Variants in ELOC observed in about 807,000 individuals in gnomAD.
The protein encoded by ELOC is elongin C.
For synonymous variants in ELOC, 40 were observed against 51.3 expected (o/e 0.78, Z 0.94); for missense variants, 38 against 139.0 (o/e 0.27, Z 3.65).
At chr8:73,970,037 T>C (rs1026003554) in intron 1 of ELOC, among the ~76,000 whole-genome samples, 3 of 152,204 alleles carry the variant, frequency 2.0e-5, no homozygotes, top group Non-Finnish European at 4.4e-5. Context: ...TGCCTGTTAT[T>C]CCAGCACTTT....
At chr8:73,954,673 G>C (rs964395189) in intron 3 of ELOC, among the ~76,000 whole-genome samples, 3 of 146,162 alleles carry the variant, frequency 2.1e-5, no homozygotes, top group Non-Finnish European at 4.5e-5. Context: ...AAAAAGAATA[G>C]AGATTTGGAA....
At chr8:73,966,273 C>A (rs1814963499) in intron 1 of ELOC, among the ~76,000 whole-genome samples, 1 of 152,030 alleles carries the variant, frequency 6.6e-6, no homozygotes, top group South Asian at 2.1e-4. Context: ...TAACAGAGAT[C>A]TGAAGAAAGC....
At chr8:73,965,886 G>A (rs1415130594) in intron 1 of ELOC, among the ~76,000 whole-genome samples, 1 of 152,056 alleles carries the variant, frequency 6.6e-6, no homozygotes, top group Non-Finnish European at 1.5e-5. Flanking sequence ...CCCAAAGAAA[G>A]GAAATATGAG....
chr8:73,967,710 C>T (rs150543013), intron 1 of ELOC, among the ~76,000 whole-genome samples: 4 of 152,242 alleles, frequency 2.6e-5, no homozygotes, highest in East Asian at 3.9e-4. Flanking sequence ...TCTGGTAATC[C>T]GCTCACCTTG....
intron 3 of ELOC, among the ~76,000 whole-genome samples, chr8:73,955,247 T>A (rs933240188): frequency 2.3e-4 from 35 of 152,050 alleles, no homozygotes; most frequent in African/African-American, 7.7e-4. Flanking sequence ...GGCAGGCGGA[T>A]CACCTGAGGT....
At chr8:73,966,641 CTTTT>C (rs75407672) in intron 1 of ELOC, among the ~76,000 whole-genome samples, 1 of 137,846 alleles carries the variant, frequency 7.3e-6, no homozygotes, top group Non-Finnish European at 1.6e-5. Context: ...GCTAAAATTT[CTTTT>C]TTTTTTTTTT....
intron 1 of ELOC, among the ~76,000 whole-genome samples, chr8:73,967,978 A>G (rs999416735): frequency 2.6e-5 from 4 of 152,296 alleles, no homozygotes; most frequent in Non-Finnish European, 5.9e-5. Flanking sequence ...TAGAATCCCA[A>G]ACCCTTCAAT....
chr8:73,968,419 A>G (rs1815137539), intron 1 of ELOC, among the ~76,000 whole-genome samples: 1 of 152,222 alleles, frequency 6.6e-6, no homozygotes, highest in South Asian at 2.1e-4. Flanking sequence ...TCACCCCTGC[A>G]AACGACCTAA....
At chr8:73,955,310 A>G (rs1814087931) in intron 3 of ELOC, among the ~76,000 whole-genome samples, 1 of 152,076 alleles carries the variant, frequency 6.6e-6, no homozygotes, top group Admixed American at 6.6e-5. Flanking sequence ...CTCTACTAAA[A>G]ATACAAAAGT....
At chr8:73,963,682 G>C (rs1814762143) in intron 1 of ELOC, among the ~76,000 whole-genome samples, 1 of 152,096 alleles carries the variant, frequency 6.6e-6, no homozygotes, top group South Asian at 2.1e-4. Flanking sequence ...GGTTAGAACA[G>C]ATCACTCACA....
At chr8:73,950,600 T>C (rs1009137156) in intron 3 of ELOC, among the ~76,000 whole-genome samples, 10 of 152,158 alleles carry the variant, frequency 6.6e-5, no homozygotes, top group Admixed American at 3.3e-4. Flanking sequence ...TGCTAAATCA[T>C]AGTGGGGAAT....
At chr8:73,965,868 T>A (rs1039813762) in intron 1 of ELOC, among the ~76,000 whole-genome samples, 6 of 151,844 alleles carry the variant, frequency 4.0e-5, no homozygotes, top group Admixed American at 6.6e-5. Context: ...GGAATAAGAG[T>A]TGGTCGTCCC....
At chr8:73,962,347 A>G (rs1326684133) in intron 1 of ELOC, among the ~76,000 whole-genome samples, 1 of 152,200 alleles carries the variant, frequency 6.6e-6, no homozygotes, top group East Asian at 1.9e-4. Flanking sequence ...CACAGCCCAC[A>G]TTCCACTCCT....
intron 1 of ELOC, among the ~76,000 whole-genome samples, chr8:73,971,279 T>G (rs1016396509): frequency 6.6e-6 from 1 of 151,920 alleles, no homozygotes; most frequent in Non-Finnish European, 1.5e-5. Context: ...GCATGCGCCT[T>G]GGTCCCAGCT....
intron 1 of ELOC, among the ~76,000 whole-genome samples, chr8:73,968,776 G>C (rs911851968): frequency 4.6e-5 from 7 of 152,134 alleles, no homozygotes; most frequent in African/African-American, 1.4e-4. Context: ...AACCTATTCT[G>C]ATCAGCCTTT....
chr8:73,955,295 C>A (rs529903133), intron 3 of ELOC, among the ~76,000 whole-genome samples: 377 of 152,110 alleles, frequency 2.5e-3, no homozygotes, highest in African/African-American at 8.7e-3. Context: ...ATGGTGAAAC[C>A]CCATCTCTAC....
intron 1 of ELOC, among the ~76,000 whole-genome samples, chr8:73,967,886 C>G (rs1020577211): frequency 6.6e-6 from 1 of 152,192 alleles, no homozygotes; most frequent in Non-Finnish European, 1.5e-5. Context: ...CCAGATGTGG[C>G]CTGTGGTTCT....
chr8:73,952,635 G>A (rs546898536), intron 3 of ELOC, among the ~76,000 whole-genome samples: 2 of 151,558 alleles, frequency 1.3e-5, no homozygotes, highest in East Asian at 3.9e-4. Context: ...AAAAAAATTA[G>A]CTGGGTGTGG....
intron 1 of ELOC, among the ~76,000 whole-genome samples, chr8:73,971,046 A>AAAAAAAAAAAG (rs1009857839): frequency 8.7e-5 from 13 of 149,862 alleles, no homozygotes; most frequent in African/African-American, 2.2e-4. Context: ...AAAAAAAAAA[A>AAAAAAAAAAAG]AAAAAGAAAA....
Sources: allele counts gnomAD v4.1 joint callset (sites outside exome capture counted in the v4.1 genomes callset), GRCh38; gene constraint gnomAD v4.1.1; transcripts MANE v1.5; gene names NCBI Gene and HGNC (gene_info 2026-07-23, HGNC 2026-07-21).